Variants in KANSL1 observed in about 807,000 individuals in gnomAD.
KANSL1 encodes the protein MLL1/MLL complex subunit KANSL1.
KANSL1 carries 22 observed loss-of-function variants against 103.6 expected under a neutral mutation model. The ratio of observed to expected loss-of-function variants is 0.21; its 90% CI spans 0.15 to 0.30. The LOEUF (loss-of-function observed/expected upper bound fraction) is 0.30. KANSL1 is among the 10% of genes least tolerant of loss of function. The probability of loss-of-function intolerance (pLI) is 1.00; values close to 1 mark genes in which losing one functional copy is unlikely to be tolerated. For missense variants in KANSL1, 1,337 were observed against 1,399.8 expected (o/e 0.96, Z 0.72); for synonymous variants, 600 against 527.6 (o/e 1.14, Z -1.88).
At chr17:46,038,311 A>G (rs937473826) in intron 10 of KANSL1, 8 of 566,688 alleles carry the variant, frequency 1.4e-5, no homozygotes, top group Non-Finnish European at 2.5e-5. Context: ...ATGGCTCAGC[A>G]TAAATCCATC....
Position 46,172,136 on chromosome 17 carries a change from G to A in KANSL1, c.8C>T (p.Ala3Val), listed in dbSNP as rs376233244. The change falls in exon 2 of 15, where the codon GCG (alanine) becomes GTG (valine). Residue 3 changes from alanine (A) to valine (V), a missense_variant. Physicochemically the swap from Ala to Val is moderately conservative, Grantham distance 64 (BLOSUM62 0). Coordinates refer to ENST00000432791, the MANE Select transcript of KANSL1 (RefSeq NM_015443.4). MA[A>V]MAPALTDAAA... is the part of the protein sequence containing the mutation. ...TGCGTCAGTGAGAGCGGGCGCCATC[G>A]CAGCCATTCAGCACAGAGAGACAGG... 24 of 1,603,704 alleles carry A rather than the reference G, an allele frequency of 1.5e-5. No individual in the cohort carries two copies. Among genetic ancestry groups the A allele is most frequent in the Non-Finnish European group, 1.8e-5 (21 of 1,179,908 alleles).
At chr17:46,151,774 T>C (rs2045119528) in intron 2 of KANSL1, among the ~76,000 whole-genome samples, 1 of 152,250 alleles carries the variant, frequency 6.6e-6, no homozygotes, top group African/African-American at 2.4e-5. Context: ...ATCTAGCATG[T>C]TGAGGCTACT....
At chr17:46,087,845 A>G (rs1379334749) in intron 3 of KANSL1, among the ~76,000 whole-genome samples, 2 of 152,216 alleles carry the variant, frequency 1.3e-5, no homozygotes, top group Non-Finnish European at 2.9e-5. Flanking sequence ...AACCATGAAA[A>G]GAAAGGTTAG....
At chr17:46,033,748 C>T (rs1353525592) in intron 11 of KANSL1, among the ~76,000 whole-genome samples, 1 of 152,156 alleles carries the variant, frequency 6.6e-6, no homozygotes, top group Middle Eastern at 3.2e-3. Context: ...TAAAGAGGAC[C>T]ACCACTGTTC....
chr17:46,131,583 T>C lies in KANSL1; in HGVS notation c.1290-36882A>G, dbSNP rs144901915. Reference sequence around the variant, plus strand: ...ATGACAACCCATCATCTTCATCACATGAATTACTGCAATGTGAACAGTATT... The same window carrying C: ...ATGACAACCCATCATCTTCATCACACGAATTACTGCAATGTGAACAGTATT... On this transcript the variant is annotated intron_variant, in intron 2 of 14. Coordinates refer to ENST00000432791, the MANE Select transcript of KANSL1 (RefSeq NM_015443.4). Among the ~76,000 whole-genome samples, 14 of 152,338 alleles carry C rather than the reference T, an allele frequency of 9.2e-5. 1 individual carries two copies. In the East Asian group the frequency reaches 2.7e-3, roughly 29 times the overall value.
At chr17:46,089,372 G>C (rs1255333624) in intron 3 of KANSL1, among the ~76,000 whole-genome samples, 1 of 151,320 alleles carries the variant, frequency 6.6e-6, no homozygotes, top group African/African-American at 2.4e-5. Flanking sequence ...CTGGATCCTA[G>C]AATCACCTAG....
At chr17:46,139,028 T>G (rs577599992) in intron 2 of KANSL1, among the ~76,000 whole-genome samples, 48 of 152,342 alleles carry the variant, frequency 3.2e-4, no homozygotes, top group African/African-American at 1.0e-3. Flanking sequence ...TCTAATCTGC[T>G]AAGAAGTCTT....
At chr17:46,031,793 G>A in intron 14 of KANSL1, 90 bp from the exon 15 acceptor site, 1 of 1,259,728 alleles carries the variant, frequency 7.9e-7, no homozygotes, top group Non-Finnish European at 1.1e-6. Flanking sequence ...GTGGCCTGGA[G>A]CCTAGGACCA....
chr17:46,085,888 A>G (rs2079145834), intron 3 of KANSL1, among the ~76,000 whole-genome samples: 1 of 152,180 alleles, frequency 6.6e-6, no homozygotes, highest in Non-Finnish European at 1.5e-5. Context: ...TCGGCCTCTC[A>G]AAGTGCTGGG....
intron 2 of KANSL1, among the ~76,000 whole-genome samples, chr17:46,096,024 G>A (rs1429090350): frequency 6.6e-6 from 1 of 151,962 alleles, no homozygotes; most frequent in Non-Finnish European, 1.5e-5. Context: ...ATGGAAAAGA[G>A]CAATTAATAT....
chr17:46,064,462 G>A (rs2078300648), intron 6 of KANSL1, among the ~76,000 whole-genome samples: 1 of 151,924 alleles, frequency 6.6e-6, no homozygotes, highest in African/African-American at 2.4e-5. Flanking sequence ...TCCTTCTGTG[G>A]CCTTGTCTCC....
chr17:46,110,743 C>T (rs1282983899), intron 2 of KANSL1, among the ~76,000 whole-genome samples: 1 of 150,700 alleles, frequency 6.6e-6, no homozygotes, highest in Non-Finnish European at 1.5e-5. Flanking sequence ...ATACTGTGGG[C>T]AAGAAAAGAA....
intron 1 of KANSL1, 63 bp downstream of exon 1, chr17:46,192,760 G>T: frequency 6.3e-6 from 1 of 157,740 alleles, no homozygotes. Context: ...GAGCCACAGG[G>T]AGAGCGAGGA....
chr17:46,126,076 A>G (rs557957243), intron 2 of KANSL1, among the ~76,000 whole-genome samples: 1 of 152,296 alleles, frequency 6.6e-6, no homozygotes, highest in South Asian at 2.1e-4. Context: ...TGCATTCTTA[A>G]ATATACCTCA....
intron 2 of KANSL1, among the ~76,000 whole-genome samples, chr17:46,099,997 G>A (rs924053789): frequency 1.3e-5 from 2 of 152,162 alleles, no homozygotes; most frequent in Admixed American, 1.3e-4. Context: ...CTATGTGCTA[G>A]TATTGGTTTA....
chr17:46,062,548 G>A (rs979895955), intron 6 of KANSL1, among the ~76,000 whole-genome samples: 2 of 150,642 alleles, frequency 1.3e-5, no homozygotes, highest in Admixed American at 1.3e-4. Flanking sequence ...TAGTAGAGAT[G>A]GGGTTTCATC....
At chr17:46,108,432 C>A (rs2042661456) in intron 2 of KANSL1, among the ~76,000 whole-genome samples, 1 of 152,210 alleles carries the variant, frequency 6.6e-6, no homozygotes, top group South Asian at 2.1e-4. Flanking sequence ...AAAATTGCAA[C>A]CCCTCTCCAA....
chr17:46,149,255 C>A (rs984103417), intron 2 of KANSL1, among the ~76,000 whole-genome samples: 8 of 151,980 alleles, frequency 5.3e-5, no homozygotes, highest in Non-Finnish European at 1.2e-4. Flanking sequence ...CCCGTCTCGG[C>A]CTCCCAAAGT....
At chr17:46,210,613 G>A (rs1041826636) in intron 1 of KANSL1, among the ~76,000 whole-genome samples, 1 of 151,906 alleles carries the variant, frequency 6.6e-6, no homozygotes, top group Non-Finnish European at 1.5e-5. Flanking sequence ...AGTAAAAACA[G>A]AAGATTGAAA....
Sources: allele counts gnomAD v4.1 joint callset (sites outside exome capture counted in the v4.1 genomes callset), GRCh38; gene constraint gnomAD v4.1.1; transcripts MANE v1.5; gene names NCBI Gene and HGNC (gene_info 2026-07-23, HGNC 2026-07-21).